The following PAWR variants were observed in gnomAD, a reference collection of about 807,000 sequenced individuals.
PAWR encodes the protein PRKC apoptosis WT1 regulator protein.
A neutral mutation model predicts 32.0 loss-of-function variants in PAWR; 23 were observed. That is an observed-to-expected ratio of 0.72 (90% CI 0.52 to 1.02). The LOEUF (loss-of-function observed/expected upper bound fraction) is 1.02, where lower values mean the gene tolerates loss of function less well. PAWR is among the 50% of genes least tolerant of loss of function. PAWR has a pLI of 0.00. For synonymous variants in PAWR, 226 were observed against 187.1 expected, an observed-to-expected ratio of 1.21 and a Z score of -1.70; for missense variants, 457 against 437.7, an observed-to-expected ratio of 1.04 and a Z score of -0.39.
chr12:79,623,974 AT>A (rs1407908854), intron 2 of PAWR, among the ~76,000 whole-genome samples: 1 of 152,188 alleles, frequency 6.6e-6, no homozygotes, highest in Non-Finnish European at 1.5e-5. Flanking sequence ...GAGGTCAATC[AT>A]TTAATGAACA....
intron 2 of PAWR, among the ~76,000 whole-genome samples, chr12:79,652,517 G>A (rs1025793388): frequency 1.3e-5 from 2 of 152,162 alleles, no homozygotes; most frequent in African/African-American, 4.8e-5. Context: ...TTGTAATTCT[G>A]AAGGGAATGT....
At chr12:79,630,472 G>T (rs1270412730) in intron 2 of PAWR, among the ~76,000 whole-genome samples, 1 of 151,956 alleles carries the variant, frequency 6.6e-6, no homozygotes, top group Non-Finnish European at 1.5e-5. Context: ...GCTAATTTTT[G>T]TATTTTTAGT....
intron 2 of PAWR, among the ~76,000 whole-genome samples, chr12:79,640,180 G>T (rs566305417): frequency 2.9e-4 from 44 of 152,158 alleles, no homozygotes; most frequent in African/African-American, 1.1e-3. Flanking sequence ...TGGGATTTCA[G>T]GCCTGAGCCA....
intron 4 of PAWR, among the ~76,000 whole-genome samples, chr12:79,613,101 C>T (rs1425313577): frequency 6.6e-6 from 1 of 152,204 alleles, no homozygotes; most frequent in South Asian, 2.1e-4. Context: ...CCCTCTTTCT[C>T]TCTGCCATGT....
intron 2 of PAWR, among the ~76,000 whole-genome samples, chr12:79,671,223 A>T (rs1877883629): frequency 6.6e-6 from 1 of 152,102 alleles, no homozygotes; most frequent in Admixed American, 6.6e-5. Context: ...TTTAAACTTT[A>T]ATTCAACAAA....
chr12:79,633,347 A>G (rs1489893984), intron 2 of PAWR, among the ~76,000 whole-genome samples: 1 of 152,148 alleles, frequency 6.6e-6, no homozygotes, highest in Non-Finnish European at 1.5e-5. Context: ...GTGAACAGAT[A>G]TTTCACCAAA....
At position 79,594,281 on chromosome 12, in the gene PAWR, A is replaced by G. The variant is rs8176907; in HGVS notation, c.936+48T>C. 5.6e-5 allele frequency: 39 copies of G among 700,720 alleles called. 1 individual carries two copies. The highest frequency in any genetic ancestry group is 1.9e-4 in the Admixed American group (6 of 32,154). The allele number at this position is 700,720 out of a possible 1,614,324, so 43.4% of individuals were successfully genotyped here. A position where few individuals can be genotyped will look rare whatever the true frequency, so the allele number is the denominator to read the frequency against. ...CTTCATATTTATATATTTTCATCCAATTGCCAAAAAAAACCCCTCCAAACC... is the reference window on the plus strand; with the variant it reads ...CTTCATATTTATATATTTTCATCCAGTTGCCAAAAAAAACCCCTCCAAACC... On this transcript the variant is annotated intron_variant, in intron 6 of 6. Transcript: ENST00000328827.
intron 2 of PAWR, among the ~76,000 whole-genome samples, chr12:79,635,895 A>G (rs150850875): frequency 6.6e-6 from 1 of 152,132 alleles, no homozygotes; most frequent in Non-Finnish European, 1.5e-5. Flanking sequence ...TATTCAATAA[A>G]TGTTTGCTGA....
intron 2 of PAWR, among the ~76,000 whole-genome samples, chr12:79,663,330 C>T (rs751773967): frequency 1.3e-5 from 2 of 152,062 alleles, no homozygotes; most frequent in East Asian, 3.9e-4. Flanking sequence ...TCTTCTCTGT[C>T]GTTTAGGAAT....
chr12:79,624,236 G>A (rs1239955481), intron 2 of PAWR, among the ~76,000 whole-genome samples: 9 of 151,996 alleles, frequency 5.9e-5, no homozygotes. Flanking sequence ...ATTTGTCTTT[G>A]TTTTCATTTT....
rs565075882 is a variant in PAWR at position 79,676,543 on chromosome 12, C to T, written c.516+13186G>A. ...CTAGAGTATGGCAACAACTAATCTC[C>T]TTATCTCTATTCTCTCTTTCTTCTA... On this transcript the variant is annotated intron_variant, in intron 2 of 6. Coordinates refer to ENST00000328827, the MANE Select transcript of PAWR (RefSeq NM_002583.4). 9.2e-5 allele frequency among the ~76,000 whole-genome samples: 14 copies of T among 152,066 alleles called. No individual in the cohort carries two copies. The East Asian group carries it at 2.3e-3, about 25-fold the overall frequency.
chr12:79,598,404 C>T (rs949190279), intron 4 of PAWR, among the ~76,000 whole-genome samples: 1 of 152,226 alleles, frequency 6.6e-6, no homozygotes, highest in African/African-American at 2.4e-5. Flanking sequence ...GCAATTTCAA[C>T]AAGCTCGGAC....
intron 2 of PAWR, among the ~76,000 whole-genome samples, chr12:79,682,478 T>C (rs1009540186): frequency 1.3e-5 from 2 of 152,198 alleles, no homozygotes; most frequent in Non-Finnish European, 2.9e-5. Flanking sequence ...TTAAAATAAA[T>C]GAGACTATCA....
intron 2 of PAWR, among the ~76,000 whole-genome samples, chr12:79,670,586 A>T (rs2400546): frequency 0.23 from 34,885 of 152,118 alleles, 10,801 homozygotes; most frequent in African/African-American, 0.71. Context: ...AGAAAAAATA[A>T]TTCCTGAGAC....
Position 79,688,789 on chromosome 12 carries a change from C to T in PAWR, c.516+940G>A, listed in dbSNP as rs995635706. Among the ~76,000 whole-genome samples the T allele has an allele frequency of 2.0e-5, 3 of 152,256 alleles. No individual in the cohort carries two copies. In the South Asian group the frequency reaches 6.2e-4, roughly 32 times the overall value. On this transcript the variant is annotated intron_variant, in intron 2 of 6. Coordinates refer to ENST00000328827, the MANE Select transcript of PAWR (RefSeq NM_002583.4). ...AGGAGAAGAAAAAGTGAAAGCTAAA[C>T]AGTCAATGAGAAAAAGATGCAACTA...
intron 5 of PAWR, among the ~76,000 whole-genome samples, chr12:79,595,300 A>C (rs1487668533): frequency 6.6e-6 from 1 of 152,034 alleles, no homozygotes; most frequent in African/African-American, 2.4e-5. Context: ...AAGACATCTT[A>C]TTTAGAATCC....
chr12:79,632,295 ACATATATATATACATACATATATATATAT>A (rs1875677295), intron 2 of PAWR: 2 of 51,994 alleles, frequency 3.8e-5, no homozygotes, highest in African/African-American at 5.9e-4. Context: ...AGAAATATAT[ACATATATATATACATACATATATATATAT>A]ATATATATAT....
chr12:79,613,930 A>ATT (rs1874555037), intron 3 of PAWR, among the ~76,000 whole-genome samples: 1 of 69,682 alleles, frequency 1.4e-5, no homozygotes, highest in Non-Finnish European at 2.8e-5. Flanking sequence ...AAGTACCACC[A>ATT]TTATATATAT....
At chr12:79,594,267 T>C (rs921570951) in intron 6 of PAWR, 62 bp downstream of exon 6, 3 of 635,158 alleles carry the variant, frequency 4.7e-6, no homozygotes, top group Non-Finnish European at 5.6e-6. Flanking sequence ...TTCATATTTA[T>C]ATATTTTCAT....
Sources: allele counts gnomAD v4.1 joint callset (sites outside exome capture counted in the v4.1 genomes callset), GRCh38; gene constraint gnomAD v4.1.1; transcripts MANE v1.5; gene names NCBI Gene and HGNC (gene_info 2026-07-23, HGNC 2026-07-21).